TBCD: variants seen among roughly 807,000 people sequenced by gnomAD.
The protein encoded by TBCD is tubulin-specific chaperone D.
A neutral mutation model predicts 169.3 loss-of-function variants in TBCD; 105 were observed. The ratio of observed to expected loss-of-function variants is 0.62; its 90% CI spans 0.53 to 0.73. TBCD has a LOEUF of 0.73. Ranked by LOEUF, TBCD falls within the 30% of genes least tolerant of loss-of-function variation. The pLI, the probability that TBCD is intolerant of heterozygous loss-of-function variation, is 0.00. For missense variants in TBCD, 1,444 were observed against 1,600.1 expected (o/e 0.90, Z 1.66); for synonymous variants, 700 against 643.9 (o/e 1.09, Z -1.32).
chr17:82,941,338 C>A, intron 37 of TBCD, 61 bp from the exon 38 acceptor site: 2 of 1,437,880 alleles, frequency 1.4e-6, no homozygotes, highest in South Asian at 2.5e-5. Flanking sequence ...GCGGGACCTC[C>A]GCACACCTGA....
At chr17:82,883,622 G>C (rs1007480196) in intron 14 of TBCD, among the ~76,000 whole-genome samples, 1 of 152,220 alleles carries the variant, frequency 6.6e-6, no homozygotes, top group Non-Finnish European at 1.5e-5. Flanking sequence ...GGTCCCTCTG[G>C]GCACGGTGGG....
At chr17:82,753,589 TG>T (rs2047234973) in intron 1 of TBCD, among the ~76,000 whole-genome samples, 1 of 151,604 alleles carries the variant, frequency 6.6e-6, no homozygotes. Flanking sequence ...CCCGAGTAGC[TG>T]GGGCTACAGG....
At chr17:82,941,607 T>C in intron 38 of TBCD, 124 bp downstream of exon 38, 1 of 836,642 alleles carries the variant, frequency 1.2e-6, no homozygotes, top group Non-Finnish European at 1.9e-6. Context: ...TCGTCTCATG[T>C]CAGGACCCCT....
intron 16 of TBCD, among the ~76,000 whole-genome samples, chr17:82,892,611 A>G (rs972940032): frequency 1.3e-5 from 2 of 152,028 alleles, no homozygotes; most frequent in Non-Finnish European, 2.9e-5. Context: ...AAGCTATTAC[A>G]TGAAGGTGTG....
At chr17:82,820,792 G>A (rs1348161248) in intron 13 of TBCD, among the ~76,000 whole-genome samples, 1 of 147,498 alleles carries the variant, frequency 6.8e-6, no homozygotes, top group Non-Finnish European at 1.5e-5. Flanking sequence ...AAGCTTGATG[G>A]TGCCCTATGA....
At chr17:82,814,538 C>T (rs370737390) in intron 12 of TBCD, among the ~76,000 whole-genome samples, 53 of 152,272 alleles carry the variant, frequency 3.5e-4, no homozygotes, top group Middle Eastern at 3.4e-3. Context: ...TATTTTGAGA[C>T]GGAGTCTTGC....
Position 82,923,898 on chromosome 17 carries a change from T to C in TBCD, c.2260+165T>C, listed in dbSNP as rs902657025. Among the ~76,000 whole-genome samples the C allele has an allele frequency of 2.6e-5, 4 of 152,108 alleles. No individual in the cohort carries two copies. Among genetic ancestry groups the C allele is most frequent in the Non-Finnish European group, 4.4e-5 (3 of 68,022 alleles). Reference sequence around the variant, plus strand: ...TCTCAGGTTCCCAGCCGAGGAGCTGTGGGCAGGTCCTGCAGCTGCCCAGGA... The same window carrying C: ...TCTCAGGTTCCCAGCCGAGGAGCTGCGGGCAGGTCCTGCAGCTGCCCAGGA... On this transcript the variant is annotated intron_variant, in intron 26 of 38. Coordinates refer to ENST00000355528, the MANE Select transcript of TBCD (RefSeq NM_005993.5). This position sits in a 1 kb window ranked among gnomAD's most constrained non-coding sequence, Gnocchi z 4.6.
intron 13 of TBCD, among the ~76,000 whole-genome samples, chr17:82,849,171 C>T (rs1259365471): frequency 9.4e-6 from 1 of 106,388 alleles, no homozygotes; most frequent in Non-Finnish European, 1.9e-5. Flanking sequence ...CGATGTCCCC[C>T]TCTGCCTGCT....
rs1197976523 is a variant in TBCD, at chr17:82,850,101, C to T, written c.1319-20123C>T. 2.1e-4 allele frequency among the ~76,000 whole-genome samples: 16 copies of T among 76,490 alleles called. 3 individuals carry two copies. The highest frequency in any genetic ancestry group is 2.8e-4 in the Non-Finnish European group (12 of 42,740). The allele number at this position is 76,490 out of a possible 152,430, so 50.2% of individuals were successfully genotyped here. ...TGCTGTGCTGCTGTTGGCTGTGCTGCTGTTGGCTGTGCTGCTGTTGGCTGT... is the reference window on the plus strand; with the variant it reads ...TGCTGTGCTGCTGTTGGCTGTGCTGTTGTTGGCTGTGCTGCTGTTGGCTGT... On this transcript the variant is annotated intron_variant, in intron 13 of 38. Coordinates refer to ENST00000355528, the MANE Select transcript of TBCD (RefSeq NM_005993.5).
chr17:82,883,893 G>T (rs958688381), intron 14 of TBCD, among the ~76,000 whole-genome samples: 1 of 152,122 alleles, frequency 6.6e-6, no homozygotes, highest in Non-Finnish European at 1.5e-5. Flanking sequence ...CTGTGCCCTC[G>T]GTGTGCACCG....
At chr17:82,759,449 G>T (rs1464638769) in intron 2 of TBCD, among the ~76,000 whole-genome samples, 1 of 152,084 alleles carries the variant, frequency 6.6e-6, no homozygotes, top group African/African-American at 2.4e-5. Flanking sequence ...TCGTGCCACT[G>T]CACTCCAGCG....
In TBCD at chr17:82,878,812, G is replaced by A. The variant is rs180725834; in HGVS notation, c.1476-5333G>A. ...GTGGTGGTTCCTGTGTCCCCACCCC[G>A]ACGTTCAGTGATTGCAGCTTGTTCT... On this transcript the variant is annotated intron_variant, in intron 14 of 38. Coordinates refer to ENST00000355528, the MANE Select transcript of TBCD (RefSeq NM_005993.5). Among the ~76,000 whole-genome samples the A allele has an allele frequency of 6.0e-4, 92 of 152,254 alleles. 1 individual carries two copies. Among genetic ancestry groups the A allele is most frequent in the African/African-American group, 2.0e-3 (82 of 41,536 alleles).
At chr17:82,892,649 T>C (rs2059222216) in intron 16 of TBCD, among the ~76,000 whole-genome samples, 1 of 151,914 alleles carries the variant, frequency 6.6e-6, no homozygotes, top group Non-Finnish European at 1.5e-5. Context: ...TGCAGGGTGG[T>C]GATGAATGGG....
At chr17:82,931,125 C>T (rs1287890664) in intron 33 of TBCD, among the ~76,000 whole-genome samples, 4 of 152,208 alleles carry the variant, frequency 2.6e-5, no homozygotes, top group Admixed American at 1.3e-4. Context: ...TGGGCCTTGA[C>T]CTCAGAATTG....
At chr17:82,851,341 T>G (rs2055772049) in intron 13 of TBCD, among the ~76,000 whole-genome samples, 1 of 152,220 alleles carries the variant, frequency 6.6e-6, no homozygotes, top group Non-Finnish European at 1.5e-5. Flanking sequence ...GGGATGCAGC[T>G]AAGGAAACTT....
chr17:82,920,597 T>G lies in TBCD; in HGVS notation c.2080T>G (p.Phe694Val). 1 of 1,551,210 alleles carries G rather than the reference T, an allele frequency of 6.4e-7. No individual in the cohort carries two copies. Among genetic ancestry groups the G allele is most frequent in the Non-Finnish European group, 8.7e-7 (1 of 1,147,632 alleles). The change falls in exon 24 of 39, where the codon TTT becomes GTT. Residue 694 changes from phenylalanine (F) to valine (V), a missense_variant. By Grantham distance (50) the Phe-to-Val change is conservative (BLOSUM62 -1). Coordinates refer to ENST00000355528, the MANE Select transcript of TBCD (RefSeq NM_005993.5). This position sits in a 1 kb window ranked among gnomAD's most constrained non-coding sequence, Gnocchi z 4.1. ...AAAGTTGTCACTTTCCAAAATGCCC[T>G]TTAGAGGTGACACCGTAATTGGTAA... ...IEKLSLSKMP[F>V]RGDTVIDGWQ...
chr17:82,870,898 G>T (rs191802915), intron 14 of TBCD, among the ~76,000 whole-genome samples: 2 of 152,266 alleles, frequency 1.3e-5, no homozygotes, highest in Admixed American at 6.5e-5. Flanking sequence ...TTTTTGTTGA[G>T]GAGCTGGATT....
intron 14 of TBCD, among the ~76,000 whole-genome samples, chr17:82,878,292 C>A (rs1048756541): frequency 6.6e-6 from 1 of 152,236 alleles, no homozygotes; most frequent in African/African-American, 2.4e-5. Context: ...ATTCACTTGC[C>A]ATAAAATTCA....
chr17:82,809,882 T>A, intron 12 of TBCD, 100 bp downstream of exon 12: 1 of 1,092,566 alleles, frequency 9.2e-7, no homozygotes, highest in Non-Finnish European at 1.3e-6. Context: ...TTGAGCTGTT[T>A]GTCAGAACTC....
Sources: gnomAD v4.1 joint callset for allele counts (sites outside exome capture counted in the v4.1 genomes callset) on GRCh38, gnomAD v4.1.1 for gene constraint, Gnocchi (gnomAD v3.1) non-coding constraint, MANE v1.5 for transcripts, NCBI Gene and HGNC (gene_info 2026-07-23, HGNC 2026-07-21) for gene names.